Variants in MACROD2 observed in about 807,000 individuals in gnomAD.
MACROD2 encodes the protein mono-ADP ribosylhydrolase 2, also known as ADP-ribose glycohydrolase MACROD2.
Under a neutral mutation model 70.4 loss-of-function variants are expected in MACROD2, and 36 were observed. The observed-to-expected ratio is 0.51, with a 90% confidence interval of 0.39 to 0.68. The LOEUF (loss-of-function observed/expected upper bound fraction) is 0.68. MACROD2 is among the 30% of genes least tolerant of loss of function. The probability of loss-of-function intolerance (pLI) is 0.00; values close to 1 mark genes in which losing one functional copy is unlikely to be tolerated. For synonymous variants in MACROD2, 172 were observed against 178.8 expected, an observed-to-expected ratio of 0.96 and a Z score of 0.30; for missense variants, 496 against 538.4, an observed-to-expected ratio of 0.92 and a Z score of 0.78.
At chr20:15,534,212 G>A (rs1028155280) in intron 8 of MACROD2, among the ~76,000 whole-genome samples, 4 of 152,236 alleles carry the variant, frequency 2.6e-5, no homozygotes, top group African/African-American at 7.2e-5. Context: ...AGGACCATAC[G>A]TGATTGTGTT....
At chr20:15,494,862 A>G (rs538666553) in intron 7 of MACROD2, among the ~76,000 whole-genome samples, 2 of 152,064 alleles carry the variant, frequency 1.3e-5, no homozygotes, top group Admixed American at 6.6e-5. Context: ...TTATCGTATA[A>G]GTCAACTTTC....
At chr20:14,510,098 C>T (rs2085012131) in intron 4 of MACROD2, among the ~76,000 whole-genome samples, 1 of 152,028 alleles carries the variant, frequency 6.6e-6, no homozygotes, top group Admixed American at 6.6e-5. Flanking sequence ...TTTTAGGGTA[C>T]AGACTGATTC....
chr20:14,217,114 C>T (rs2081629634), intron 3 of MACROD2, among the ~76,000 whole-genome samples: 1 of 152,084 alleles, frequency 6.6e-6, no homozygotes, highest in South Asian at 2.1e-4. Flanking sequence ...TTCAATTTTT[C>T]CCCATTCGGT....
intron 6 of MACROD2, among the ~76,000 whole-genome samples, chr20:15,372,579 G>T (rs544053288): frequency 1.3e-5 from 2 of 152,172 alleles, no homozygotes; most frequent in East Asian, 3.9e-4. Flanking sequence ...ATGCCATGTA[G>T]GAGTTCCTTA....
intron 11 of MACROD2, among the ~76,000 whole-genome samples, chr20:15,936,309 A>ACACACATATGTAATGTGTGTG (rs2065659595): frequency 6.7e-6 from 1 of 148,868 alleles, no homozygotes; most frequent in Admixed American, 6.7e-5. Flanking sequence ...GTGTATATAT[A>ACACACATATGTAATGTGTGTG]TAGTTTTTCA....
chr20:15,284,971 TTAGTC>T (rs1211697657), intron 6 of MACROD2, among the ~76,000 whole-genome samples: 1 of 152,218 alleles, frequency 6.6e-6, no homozygotes, highest in East Asian at 1.9e-4. Flanking sequence ...ATAATATAGT[TTAGTC>T]TGTCATATTT....
intron 8 of MACROD2, among the ~76,000 whole-genome samples, chr20:15,799,999 A>G (rs1401474992): frequency 6.6e-6 from 1 of 151,428 alleles, no homozygotes; most frequent in Non-Finnish European, 1.5e-5. Context: ...GTGTAGTGGT[A>G]TATTATTGTG....
chr20:14,752,806 G>A (rs1035644263), intron 5 of MACROD2, among the ~76,000 whole-genome samples: 3 of 152,008 alleles, frequency 2.0e-5, no homozygotes, highest in African/African-American at 7.3e-5. Flanking sequence ...TGGAATATGA[G>A]GCCAGGAAGT....
chr20:15,538,306 G>A (rs2047904169), intron 8 of MACROD2, among the ~76,000 whole-genome samples: 1 of 152,268 alleles, frequency 6.6e-6, no homozygotes, highest in East Asian at 1.9e-4. Context: ...AAAGGAAGGG[G>A]ATAGATTTTA....
At chr20:14,386,086 T>A (rs1257651961) in intron 3 of MACROD2, among the ~76,000 whole-genome samples, 1 of 152,218 alleles carries the variant, frequency 6.6e-6, no homozygotes, top group Non-Finnish European at 1.5e-5. Context: ...ATGCCATATA[T>A]TATTTAGTTT....
chr20:14,439,588 C>T (rs142111239), intron 3 of MACROD2, among the ~76,000 whole-genome samples: 1 of 152,152 alleles, frequency 6.6e-6, no homozygotes, highest in African/African-American at 2.4e-5. Context: ...AACCAGTCTT[C>T]CAGAACTTGA....
chr20:14,325,701 T>G, intron 3 of MACROD2: 1 of 1,613,926 alleles, frequency 6.2e-7, no homozygotes, highest in Non-Finnish European at 8.5e-7. Context: ...TCGAGATGGG[T>G]TCATTGCTTA....
intron 5 of MACROD2, among the ~76,000 whole-genome samples, chr20:15,015,055 G>C (rs2075111034): frequency 6.6e-6 from 1 of 151,982 alleles, no homozygotes; most frequent in African/African-American, 2.4e-5. Context: ...TTTTAGAATG[G>C]ATCAGGATGT....
intron 8 of MACROD2, among the ~76,000 whole-genome samples, chr20:15,662,334 A>G (rs979383508): frequency 6.6e-6 from 1 of 152,244 alleles, no homozygotes; most frequent in African/African-American, 2.4e-5. Context: ...ATTGGTAGCT[A>G]TACTAAAGTC....
intron 3 of MACROD2, among the ~76,000 whole-genome samples, chr20:14,211,218 T>C (rs543088978): frequency 6.6e-6 from 1 of 152,354 alleles, no homozygotes; most frequent in East Asian, 1.9e-4. Flanking sequence ...AGAACTGGGC[T>C]CAGATCCTGA....
intron 5 of MACROD2, among the ~76,000 whole-genome samples, chr20:15,038,498 A>G (rs1428683507): frequency 6.6e-6 from 1 of 152,156 alleles, no homozygotes; most frequent in Non-Finnish European, 1.5e-5. Flanking sequence ...GGCCCCTGTT[A>G]TTGGTTGTGG....
At chr20:15,177,512 T>G (rs1414661157) in intron 5 of MACROD2, among the ~76,000 whole-genome samples, 1 of 152,030 alleles carries the variant, frequency 6.6e-6, no homozygotes, top group African/African-American at 2.4e-5. Context: ...AAACTCCTCT[T>G]TGACTCATTC....
At chr20:14,664,751 A>C (rs1339644092) in intron 4 of MACROD2, among the ~76,000 whole-genome samples, 1 of 152,116 alleles carries the variant, frequency 6.6e-6, no homozygotes, top group African/African-American at 2.4e-5. Flanking sequence ...AGTGCCTTAC[A>C]TTCTTGATCC....
rs527330488 is a variant in MACROD2 at position 14,112,748 on chromosome 20, T to A, written c.271+27020T>A. ...CACATTTGGCCATTTTTTGACTTAA[T>A]TTTTCTGGAAAAATGACATTTATTA... On this transcript the variant is annotated intron_variant, in intron 3 of 17. Transcript: ENST00000684519. Among the ~76,000 whole-genome samples, 5 of 152,114 alleles carry A rather than the reference T, an allele frequency of 3.3e-5. No homozygotes were observed. The South Asian group carries it at 1.0e-3, about 32-fold the overall frequency.
Sources: gnomAD v4.1 joint callset for allele counts (sites outside exome capture counted in the v4.1 genomes callset) on GRCh38, gnomAD v4.1.1 for gene constraint, MANE v1.5 for transcripts, NCBI Gene and HGNC (gene_info 2026-07-23, HGNC 2026-07-21) for gene names.